The following C17orf67 variants were observed in gnomAD, a reference collection of about 807,000 sequenced individuals.
C17orf67 encodes chromosome 17 open reading frame 67.
A neutral mutation model predicts 11.2 loss-of-function variants in C17orf67; 12 were observed. The observed-to-expected ratio is 1.07, with a 90% CI of 0.68 to 1.73. The LOEUF (loss-of-function observed/expected upper bound fraction) is 1.73. C17orf67 is among the 40% of genes most tolerant of loss of function. The probability of loss-of-function intolerance (pLI) is 0.00; values close to 1 mark genes in which losing one functional copy is unlikely to be tolerated. For missense variants in C17orf67, 115 were observed against 113.5 expected (o/e 1.01, Z -0.06); for synonymous variants, 59 against 46.9 (o/e 1.26, Z -1.05).
chr17:56,807,112 G>A (rs72837355), intron 6 of C17orf67, among the ~76,000 whole-genome samples: 18,096 of 151,764 alleles, frequency 0.12, 1,168 homozygotes, highest in South Asian at 0.16. Context: ...TCAGCAGGGA[G>A]GTGAGCTTTA....
At chr17:56,825,827 T>C (rs1435756029) in intron 2 of C17orf67, among the ~76,000 whole-genome samples, 1 of 152,078 alleles carries the variant, frequency 6.6e-6, no homozygotes, top group Non-Finnish European at 1.5e-5. Flanking sequence ...CCATAGAAAA[T>C]AATGGAATAG....
chr17:56,831,051 G>A (rs1031200852), intron 2 of C17orf67, among the ~76,000 whole-genome samples: 7 of 152,336 alleles, frequency 4.6e-5, no homozygotes, highest in African/African-American at 1.7e-4. Flanking sequence ...AGGGGTCTGA[G>A]AATGGAGGGG....
intron 6 of C17orf67, among the ~76,000 whole-genome samples, chr17:56,806,252 G>A (rs1242703065): frequency 6.6e-6 from 1 of 152,082 alleles, no homozygotes; most frequent in Non-Finnish European, 1.5e-5. Flanking sequence ...GGGATTGCAG[G>A]CGTGAGCCAC....
intron 2 of C17orf67, among the ~76,000 whole-genome samples, chr17:56,826,921 C>T (rs1906051605): frequency 6.6e-6 from 1 of 152,204 alleles, no homozygotes; most frequent in Non-Finnish European, 1.5e-5. Context: ...GGTGCAGTAC[C>T]TGTAAACAGT....
intron 6 of C17orf67, among the ~76,000 whole-genome samples, chr17:56,797,302 C>A (rs759369908): frequency 6.6e-6 from 1 of 151,978 alleles, no homozygotes; most frequent in Non-Finnish European, 1.5e-5. Flanking sequence ...GGTGGAGAAC[C>A]CTTAGAGGAG....
chr17:56,797,135 G>A (rs112048500), intron 6 of C17orf67, among the ~76,000 whole-genome samples: 1,547 of 152,230 alleles, frequency 0.01, 28 homozygotes, highest in African/African-American at 0.035. Flanking sequence ...TCTCAAAAAC[G>A]CAATTTCTCC....
At chr17:56,826,971 G>C (rs997802506) in intron 2 of C17orf67, among the ~76,000 whole-genome samples, 1 of 152,200 alleles carries the variant, frequency 6.6e-6, no homozygotes, top group Non-Finnish European at 1.5e-5. Flanking sequence ...GTTTTGACAG[G>C]CCTGGCGCTC....
chr17:56,826,386 T>A (rs910519402), intron 2 of C17orf67, among the ~76,000 whole-genome samples: 1 of 152,344 alleles, frequency 6.6e-6, no homozygotes, highest in Admixed American at 6.5e-5. Context: ...GCAGAAGTTA[T>A]GCTTTAGAGA....
chr17:56,797,037 C>T (rs1365407767), intron 6 of C17orf67, among the ~76,000 whole-genome samples: 1 of 152,152 alleles, frequency 6.6e-6, no homozygotes, highest in Non-Finnish European at 1.5e-5. Flanking sequence ...TCCCCTCCTT[C>T]CCCCACTCCT....
intron 6 of C17orf67, among the ~76,000 whole-genome samples, chr17:56,805,760 T>C (rs1007249338): frequency 6.6e-5 from 10 of 152,110 alleles, no homozygotes; most frequent in Non-Finnish European, 1.2e-4. Context: ...TAGAAAGATA[T>C]TGGAAATGAT....
rs536263847 is a variant in C17orf67, at chr17:56,817,881, C to T, written c.-200-1871G>A. ...ATTTTTTTTTTTGAAACATGGTCTCCCTCTGTCACCTAGGCTGGAGTGCAC... is the reference window on the plus strand; with the variant it reads ...ATTTTTTTTTTTGAAACATGGTCTCTCTCTGTCACCTAGGCTGGAGTGCAC... On this transcript the variant is annotated intron_variant, in intron 4 of 7. Transcript: ENST00000397861. Among the ~76,000 whole-genome samples, 3 of 150,814 alleles carry T rather than the reference C, an allele frequency of 2.0e-5. No homozygotes were observed. The East Asian group carries it at 5.8e-4, about 29-fold the overall frequency.
chr17:56,817,000 C>G (rs768486319), intron 4 of C17orf67, among the ~76,000 whole-genome samples: 4 of 152,004 alleles, frequency 2.6e-5, no homozygotes, highest in Non-Finnish European at 5.9e-5. Context: ...CAGGCACGCA[C>G]CACAACACTC....
chr17:56,807,867 G>A (rs972803679), intron 6 of C17orf67, among the ~76,000 whole-genome samples: 9 of 150,874 alleles, frequency 6.0e-5, no homozygotes, highest in African/African-American at 2.2e-4. Context: ...TCCAGCCTGG[G>A]CAACACAGTG....
At chr17:56,821,307 C>A (rs374082512) in intron 4 of C17orf67, among the ~76,000 whole-genome samples, 1 of 152,146 alleles carries the variant, frequency 6.6e-6, no homozygotes, top group Non-Finnish European at 1.5e-5. Context: ...TCCATATTTG[C>A]TTTCATCTTT....
intron 6 of C17orf67, among the ~76,000 whole-genome samples, chr17:56,812,299 C>T (rs1266252656): frequency 6.6e-6 from 1 of 152,148 alleles, no homozygotes; most frequent in African/African-American, 2.4e-5. Context: ...TGCCCTGTGC[C>T]CTGTGTAGGG....
chr17:56,826,120 A>T (rs933301479), intron 2 of C17orf67, among the ~76,000 whole-genome samples: 2 of 151,902 alleles, frequency 1.3e-5, no homozygotes, highest in East Asian at 3.9e-4. Flanking sequence ...ACACCCAGCT[A>T]ATTTTTTATT....
intron 6 of C17orf67, among the ~76,000 whole-genome samples, chr17:56,796,250 A>G (rs72837338): frequency 0.13 from 20,401 of 152,244 alleles, 1,428 homozygotes; most frequent in South Asian, 0.16. Flanking sequence ...ACAGATGTTC[A>G]CACCAACATC....
intron 4 of C17orf67, among the ~76,000 whole-genome samples, chr17:56,821,282 A>C (rs1312249272): frequency 6.6e-6 from 1 of 152,180 alleles, no homozygotes; most frequent in Non-Finnish European, 1.5e-5. Context: ...AATTAAATAA[A>C]TTCTAACAGT....
intron 4 of C17orf67, among the ~76,000 whole-genome samples, chr17:56,823,676 CAA>C (rs1214588005): frequency 6.6e-5 from 10 of 151,686 alleles, no homozygotes; most frequent in Non-Finnish European, 8.8e-5. Context: ...TTTAAAAAAA[CAA>C]GAGAGAAAAA....
Sources: gnomAD v4.1 joint callset for allele counts (sites outside exome capture counted in the v4.1 genomes callset) on GRCh38, gnomAD v4.1.1 for gene constraint, MANE v1.5 for transcripts, NCBI Gene and HGNC (gene_info 2026-07-23, HGNC 2026-07-21) for gene names.